AGK: variants seen among roughly 807,000 people sequenced by gnomAD.
AGK encodes the protein acylglycerol kinase.
A neutral mutation model predicts 66.4 loss-of-function variants in AGK; 52 were observed. The observed-to-expected ratio is 0.78, with a 90% CI of 0.63 to 0.99. AGK has a LOEUF of 0.99. Ranked by LOEUF, AGK falls within the 50% of genes least tolerant of loss-of-function variation. The pLI, the probability that AGK is intolerant of heterozygous loss-of-function variation, is 0.00. For missense variants in AGK, 451 were observed against 506.6 expected, an observed-to-expected ratio of 0.89 and a Z score of 1.05; for synonymous variants, 182 against 181.1, an observed-to-expected ratio of 1.00 and a Z score of -0.04.
At chr7:141,596,941 C>T (rs1024776214) in intron 4 of AGK, 20 of 281,712 alleles carry the variant, frequency 7.1e-5, no homozygotes, top group South Asian at 1.2e-4. Context: ...ACTGCTAGGA[C>T]GTAAATCCTT....
At position 141,637,046 on chromosome 7, in the gene AGK, G is replaced by C. The variant is rs756286832; in HGVS notation, c.726+29G>C. The C allele has an allele frequency of 1.9e-6, 3 of 1,592,606 alleles. No homozygotes were observed. The South Asian group carries it at 3.4e-5, about 18-fold the overall frequency. Reference sequence around the variant, plus strand: ...AATGTGATTTACAGTGTAGAAATTTGCTGTGTTATTTTGTTGTTTCTCTGT... The same window carrying C: ...AATGTGATTTACAGTGTAGAAATTTCCTGTGTTATTTTGTTGTTTCTCTGT... On this transcript the variant is annotated intron_variant, in intron 11 of 15. Coordinates refer to ENST00000649286, the MANE Select transcript of AGK (RefSeq NM_018238.4).
chr7:141,641,972 C>G, intron 13 of AGK, 64 bp downstream of exon 13: 1 of 1,288,404 alleles, frequency 7.8e-7, no homozygotes, highest in Non-Finnish European at 1.1e-6. Context: ...AGCTATAGTC[C>G]TCTCCCACTA....
intron 15 of AGK, 172 bp from the exon 16 acceptor site, chr7:141,652,615 T>A (rs552651814): frequency 1.8e-6 from 1 of 569,218 alleles, no homozygotes; most frequent in East Asian, 2.8e-5. Flanking sequence ...GAACCAGCAC[T>A]GTGCCCATCG....
chr7:141,607,544 T>G (rs559330446), intron 5 of AGK, among the ~76,000 whole-genome samples: 1 of 152,306 alleles, frequency 6.6e-6, no homozygotes, highest in East Asian at 1.9e-4. Context: ...TGCAAGCTGT[T>G]TGCTATGCAT....
At chr7:141,587,446 G>C (rs138192705) in intron 2 of AGK, among the ~76,000 whole-genome samples, 2 of 152,242 alleles carry the variant, frequency 1.3e-5, no homozygotes, top group Non-Finnish European at 2.9e-5. Flanking sequence ...ATGGCCCTTA[G>C]GGTAAAATCC....
At position 141,604,403 on chromosome 7, in the gene AGK, T is replaced by TAC. The variant is rs1554400874; in HGVS notation, c.297+3127_297+3128dup. 8.8e-3 allele frequency among the ~76,000 whole-genome samples: 1,249 copies of TAC among 141,486 alleles called. 15 individuals carry two copies. The highest frequency in any genetic ancestry group is 0.038 in the Middle Eastern group (10 of 260). The allele number at this position is 141,486 out of a possible 152,430, so 92.8% of individuals were successfully genotyped here. On this transcript the variant is annotated intron_variant, in intron 5 of 15. Coordinates refer to ENST00000649286, the MANE Select transcript of AGK (RefSeq NM_018238.4). The stretch of plus-strand genomic sequence containing the variant: ...ATATATATATATATATATATATATA[T>TAC]ACACATACATACACACACACACATA...
intron 12 of AGK, 70 bp from the exon 13 acceptor site, chr7:141,641,741 G>C: frequency 1.5e-6 from 2 of 1,297,624 alleles, no homozygotes; most frequent in Non-Finnish European, 1.1e-6. Flanking sequence ...GCAGCTAGCA[G>C]CTAGCCGTCC....
rs186200760 is a variant in AGK at position 141,574,985 on chromosome 7, G to A, written c.102-18161G>A. ...CCTTCCCATGGAGGGCAGACGTGGCGTTTTGGCTAATAAGTGTTCTTGAAT... is the reference window on the plus strand; with the variant it reads ...CCTTCCCATGGAGGGCAGACGTGGCATTTTGGCTAATAAGTGTTCTTGAAT... On this transcript the variant is annotated intron_variant, in intron 2 of 15. Transcript: ENST00000649286. 1.9e-3 allele frequency among the ~76,000 whole-genome samples: 294 copies of A among 152,330 alleles called. 2 individuals carry two copies. Among genetic ancestry groups the A allele is most frequent in the African/African-American group, 6.6e-3 (274 of 41,572 alleles).
intron 5 of AGK, among the ~76,000 whole-genome samples, chr7:141,609,401 G>A (rs1392343424): frequency 1.3e-5 from 2 of 152,074 alleles, no homozygotes; most frequent in South Asian, 2.1e-4. Context: ...CCTCAGGTTC[G>A]GTAACTCAAA....
chr7:141,640,332 G>A (rs560162387), intron 11 of AGK, among the ~76,000 whole-genome samples: 38 of 152,192 alleles, frequency 2.5e-4, no homozygotes, highest in Admixed American at 7.8e-4. Flanking sequence ...TTTGAGACAA[G>A]GACAGCTGCT....
chr7:141,631,878 C>T (rs577031088), intron 9 of AGK, among the ~76,000 whole-genome samples: 7 of 152,306 alleles, frequency 4.6e-5, no homozygotes, highest in South Asian at 4.1e-4. Flanking sequence ...TTCTCATGTA[C>T]TTCAGGTCTC....
Position 141,641,803 on chromosome 7 carries a change from T to A in AGK, c.878-8T>A, listed in dbSNP as rs1797297086. ...AGAAACTGACCTGTATCTAATGGATTCCCACAGCCCTTTCCCAAGAGGTGA... is the reference window on the plus strand; with the variant it reads ...AGAAACTGACCTGTATCTAATGGATACCCACAGCCCTTTCCCAAGAGGTGA... On this transcript the variant is annotated splice_region_variant and splice_polypyrimidine_tract_variant and intron_variant, in intron 12 of 15. Coordinates refer to ENST00000649286, the MANE Select transcript of AGK (RefSeq NM_018238.4). The A allele has an allele frequency of 6.4e-7, 1 of 1,566,652 alleles. No homozygotes were observed. Among genetic ancestry groups the A allele is most frequent in the Admixed American group, 1.9e-5 (1 of 52,606 alleles).
intron 8 of AGK, among the ~76,000 whole-genome samples, chr7:141,618,109 T>C (rs1168542497): frequency 2.0e-5 from 3 of 152,222 alleles, no homozygotes; most frequent in Non-Finnish European, 2.9e-5. Flanking sequence ...TCTTAAGTTG[T>C]ACCTAACTTT....
At chr7:141,573,765 C>T (rs556966412) in intron 2 of AGK, among the ~76,000 whole-genome samples, 6 of 152,304 alleles carry the variant, frequency 3.9e-5, no homozygotes, top group African/African-American at 1.4e-4. Context: ...GGGACTCTCT[C>T]ATTCTATTCT....
intron 5 of AGK, among the ~76,000 whole-genome samples, chr7:141,601,498 C>T (rs1200032925): frequency 2.0e-5 from 3 of 152,118 alleles, no homozygotes; most frequent in Non-Finnish European, 1.5e-5. Context: ...GAACTTGACA[C>T]CTTTCATCTG....
chr7:141,570,844 T>C (rs547427334), intron 2 of AGK, among the ~76,000 whole-genome samples: 32 of 152,354 alleles, frequency 2.1e-4, no homozygotes, highest in African/African-American at 7.2e-4. Context: ...ATTGTTTTAC[T>C]GTACATTTTG....
chr7:141,616,554 A>G (rs559669694), intron 8 of AGK, among the ~76,000 whole-genome samples: 1 of 152,208 alleles, frequency 6.6e-6, no homozygotes, highest in Non-Finnish European at 1.5e-5. Flanking sequence ...ATCTCTTTTA[A>G]CAATTCTATA....
chr7:141,631,363 A>T (rs1797051761), intron 9 of AGK, among the ~76,000 whole-genome samples: 1 of 152,126 alleles, frequency 6.6e-6, no homozygotes, highest in African/African-American at 2.4e-5. Context: ...TTCTGTGAGG[A>T]TTCTCACTTC....
chr7:141,572,802 A>AT (rs1562961462), intron 2 of AGK, among the ~76,000 whole-genome samples: 1 of 151,116 alleles, frequency 6.6e-6, no homozygotes, highest in Non-Finnish European at 1.5e-5. Flanking sequence ...CCGACAGGCT[A>AT]TGGGGGGGGG....
Sources: allele counts gnomAD v4.1 joint callset (sites outside exome capture counted in the v4.1 genomes callset), GRCh38; gene constraint gnomAD v4.1.1; transcripts MANE v1.5; gene names NCBI Gene and HGNC (gene_info 2026-07-23, HGNC 2026-07-21).